Variants in PCDHA4 observed in about 807,000 individuals in gnomAD.
PCDHA4 encodes the protein protocadherin alpha-4.
In PCDHA4, 49 loss-of-function variants were observed where a neutral mutation model predicts 61.4. The observed-to-expected ratio is 0.80, with a 90% confidence interval of 0.63 to 1.01. The LOEUF is 1.01. PCDHA4 is among the 50% of genes least tolerant of loss of function. The pLI is 0.00. For missense variants in PCDHA4, 1,254 were observed against 1,235.8 expected, an observed-to-expected ratio of 1.01 and a Z score of -0.22; for synonymous variants, 590 against 550.3, an observed-to-expected ratio of 1.07 and a Z score of -1.01.
intron 1 of PCDHA4, among the ~76,000 whole-genome samples, chr5:140,946,403 CATAGAA>C (rs1425933072): frequency 1.3e-5 from 2 of 151,512 alleles, no homozygotes; most frequent in African/African-American, 2.4e-5. Flanking sequence ...TTAGTACAAT[CATAGAA>C]AACAATATGG....
intron 1 of PCDHA4, among the ~76,000 whole-genome samples, chr5:140,923,976 A>G (rs1257687753): frequency 6.6e-6 from 1 of 152,176 alleles, no homozygotes; most frequent in Non-Finnish European, 1.5e-5. Context: ...CACACATACT[A>G]TCCCTCTAGG....
intron 2 of PCDHA4, 157 bp from the exon 3 acceptor site, chr5:140,982,318 G>C (rs2096977750): frequency 6.6e-6 from 9 of 1,356,910 alleles, no homozygotes; most frequent in Non-Finnish European, 8.8e-6. Flanking sequence ...AGTTTATGCA[G>C]GGTGACTGCT....
intron 1 of PCDHA4, among the ~76,000 whole-genome samples, chr5:140,820,641 G>A (rs1766795665): frequency 6.6e-6 from 1 of 151,988 alleles, no homozygotes; most frequent in Non-Finnish European, 1.5e-5. Context: ...ACAGTTGGGA[G>A]ATTAAAAAGT....
intron 1 of PCDHA4, chr5:140,827,916 T>C: frequency 1.1e-6 from 1 of 884,046 alleles, no homozygotes; most frequent in Non-Finnish European, 1.7e-6. Context: ...ATGATGTCGC[T>C]GTCTACCATG....
At chr5:140,901,278 A>AT (rs1554189713) in intron 1 of PCDHA4, among the ~76,000 whole-genome samples, 2 of 152,102 alleles carry the variant, frequency 1.3e-5, no homozygotes, top group Non-Finnish European at 2.9e-5. Context: ...TACTCAAGAA[A>AT]TTTTTGCCCA....
chr5:140,882,451 G>T (rs2059142751), intron 1 of PCDHA4: 4 of 1,613,922 alleles, frequency 2.5e-6, no homozygotes, highest in African/African-American at 1.3e-5. Flanking sequence ...AGCTGGTGCC[G>T]CGCCTGTTCC....
chr5:140,926,903 G>C (rs369906778), intron 1 of PCDHA4: 13 of 1,557,942 alleles, frequency 8.3e-6, no homozygotes, highest in African/African-American at 1.4e-5. Flanking sequence ...ATGGTGGGCT[G>C]TGGGGTGGCA....
chr5:140,895,617 G>A (rs782388218), intron 1 of PCDHA4, among the ~76,000 whole-genome samples: 2 of 152,084 alleles, frequency 1.3e-5, no homozygotes, highest in Non-Finnish European at 2.9e-5. Context: ...CTCATTGAGG[G>A]TGTTGTCTTT....
intron 1 of PCDHA4, chr5:140,851,724 A>G: frequency 1.0e-6 from 1 of 967,484 alleles, no homozygotes; most frequent in Non-Finnish European, 1.2e-6. Context: ...CGAAACTTCG[A>G]GTTCTTTTGA....
chr5:140,897,455 T>C (rs1376435296), intron 1 of PCDHA4, among the ~76,000 whole-genome samples: 1 of 151,682 alleles, frequency 6.6e-6, no homozygotes, highest in Non-Finnish European at 1.5e-5. Flanking sequence ...TTTTTGTCCT[T>C]GCGATAGTTT....
At chr5:140,993,123 C>G (rs925185301) in intron 3 of PCDHA4, among the ~76,000 whole-genome samples, 1 of 152,180 alleles carries the variant, frequency 6.6e-6, no homozygotes, top group African/African-American at 2.4e-5. Context: ...ACATCAATTT[C>G]CTTCTGTTGC....
Position 140,964,245 on chromosome 5 carries a change from T to C in PCDHA4, c.2386-14704T>C, listed in dbSNP as rs549634734. On this transcript the variant is annotated intron_variant, in intron 1 of 3. Transcript: ENST00000530339. ...TCAAAATGAGGCTGATTGTGTTGGC[T>C]TTATATTTGACTCCTTAATAATTAA... is the stretch of plus-strand genomic sequence containing the variant. Among the ~76,000 whole-genome samples, 6 of 152,346 alleles carry C rather than the reference T, an allele frequency of 3.9e-5. No individual in the cohort carries two copies. In the East Asian group the frequency reaches 1.2e-3, roughly 29 times the overall value.
Position 140,807,725 on chromosome 5 carries a change from C to T in PCDHA4, c.538C>T (p.Leu180=), listed in dbSNP as rs782588893. The change falls in exon 1 of 4, where the codon CTG becomes TTG. Residue 180 remains leucine (L), a synonymous_variant. Transcript: ENST00000530339. ...ACTGAGCCCAAATGAATACTTTTCT[C>T]TGGAAAAACCACCTGATGACGAGCT... ...YRLSPNEYFS[L]EKPPDDELVK... The T allele has an allele frequency of 3.1e-6, 5 of 1,614,176 alleles. No homozygotes were observed. Among genetic ancestry groups the T allele is most frequent in the Non-Finnish European group, 4.2e-6 (5 of 1,180,038 alleles).
chr5:140,905,947 C>T (rs1210025825), intron 1 of PCDHA4, among the ~76,000 whole-genome samples: 7 of 152,124 alleles, frequency 4.6e-5, no homozygotes, highest in African/African-American at 9.7e-5. Context: ...ACTTGGAATC[C>T]GATGTTCAAG....
chr5:140,875,771 C>T lies in PCDHA4; in HGVS notation c.2385+66199C>T, dbSNP rs182160950. 7,595 of 1,614,196 alleles carry T rather than the reference C, an allele frequency of 4.7e-3. 28 individuals carry two copies. Among genetic ancestry groups the T allele is most frequent in the Middle Eastern group, 6.4e-3 (39 of 6,062 alleles). ...CGCGAGAAGCTGTGCGGGCGGAGCG[C>T]GGAGTGCAGTATCCACCTGGAGGTG... On this transcript the variant is annotated intron_variant, in intron 1 of 3. Transcript: ENST00000530339.
intron 1 of PCDHA4, chr5:140,859,420 CT>C (rs2045858037): frequency 8.6e-6 from 2 of 233,034 alleles, no homozygotes; most frequent in Non-Finnish European, 8.1e-6. Context: ...ATGATATAGA[CT>C]CAGAAATGAA....
At position 140,808,870 on chromosome 5, in the gene PCDHA4, C is replaced by A; in HGVS notation, c.1683C>A (p.Asn561Lys). ...TGTTCGTGCTGGACGAAAACGACAA[C>A]GCGCCAGCACTGCTAGCGCCTCGGG... ...LQVFVLDENDNAPALLAPRAG... is the reference protein window; with the variant it reads ...LQVFVLDENDKAPALLAPRAG... The change falls in exon 1 of 4, where the codon AAC becomes AAA. Residue 561 changes from asparagine (N) to lysine (K), a missense_variant. Transcript: ENST00000530339. 6.2e-7 allele frequency: 1 copy of A among 1,613,180 alleles called. No homozygotes were observed. The highest frequency in any genetic ancestry group is 8.5e-7 in the Non-Finnish European group (1 of 1,179,908).
rs141258804 is a variant in PCDHA4, at chr5:140,857,118, C to T, written c.2385+47546C>T. ...GTGATTGTCACTTCTCTGTCTCTCC[C>T]AGTGAAAGAAGATGCTCAAGTGGGC... On this transcript the variant is annotated intron_variant, in intron 1 of 3. Transcript: ENST00000530339. 2.7e-5 allele frequency: 43 copies of T among 1,597,878 alleles called. 6 individuals are homozygous for T. Among genetic ancestry groups the T allele is most frequent in the Non-Finnish European group, 3.3e-5 (38 of 1,167,604 alleles).
chr5:140,999,614 A>G (rs572897182), intron 3 of PCDHA4, among the ~76,000 whole-genome samples: 1 of 152,302 alleles, frequency 6.6e-6, no homozygotes, highest in African/African-American at 2.4e-5. Flanking sequence ...GGACCTTATC[A>G]ACCAGGAAAC....
Sources: gnomAD v4.1 joint callset for allele counts (sites outside exome capture counted in the v4.1 genomes callset) on GRCh38, gnomAD v4.1.1 for gene constraint, MANE v1.5 for transcripts, NCBI Gene and HGNC (gene_info 2026-07-23, HGNC 2026-07-21) for gene names.